Variants in TBC1D22A observed in about 807,000 individuals in gnomAD.
TBC1D22A encodes TBC1 domain family member 22A, also known as putative GTPase activator.
TBC1D22A carries 38 observed loss-of-function variants against 60.2 expected under a neutral mutation model. The ratio of observed to expected loss-of-function variants is 0.63; its 90% CI spans 0.49 to 0.83. The LOEUF is 0.83. Ranked by LOEUF, TBC1D22A falls within the 40% of genes least tolerant of loss-of-function variation. TBC1D22A has a pLI of 0.00. For missense variants in TBC1D22A, 628 were observed against 701.0 expected, an observed-to-expected ratio of 0.90 and a Z score of 1.18; for synonymous variants, 302 against 281.7, an observed-to-expected ratio of 1.07 and a Z score of -0.72.
intron 3 of TBC1D22A, among the ~76,000 whole-genome samples, chr22:46,796,174 G>A (rs141181775): frequency 6.6e-6 from 1 of 152,136 alleles, no homozygotes; most frequent in Non-Finnish European, 1.5e-5. Flanking sequence ...AGTGGGCAGC[G>A]GGGATGGGGG....
chr22:46,766,180 G>A (rs1407762282), intron 1 of TBC1D22A, among the ~76,000 whole-genome samples: 1 of 151,766 alleles, frequency 6.6e-6, no homozygotes, highest in Non-Finnish European at 1.5e-5. Flanking sequence ...TATATTTTTG[G>A]TAGAGACGGG....
intron 8 of TBC1D22A, among the ~76,000 whole-genome samples, chr22:46,962,954 C>G (rs919921452): frequency 1.3e-5 from 2 of 151,834 alleles, no homozygotes; most frequent in South Asian, 2.1e-4. Flanking sequence ...TGGCTCATGC[C>G]TGTAATCCCA....
intron 4 of TBC1D22A, among the ~76,000 whole-genome samples, chr22:46,872,824 G>A (rs2067354735): frequency 6.6e-6 from 1 of 152,178 alleles, no homozygotes; most frequent in African/African-American, 2.4e-5. Flanking sequence ...GTATTGATCT[G>A]CTCAGGAGTA....
intron 8 of TBC1D22A, among the ~76,000 whole-genome samples, chr22:46,973,966 G>A (rs575961480): frequency 1.1e-4 from 16 of 152,338 alleles, no homozygotes; most frequent in African/African-American, 3.6e-4. Context: ...AAAACTTTCA[G>A]ATCTGTTAGG....
intron 11 of TBC1D22A, among the ~76,000 whole-genome samples, chr22:47,043,222 G>A (rs1263368155): frequency 6.6e-6 from 1 of 152,240 alleles, no homozygotes; most frequent in Non-Finnish European, 1.5e-5. Flanking sequence ...CATGGCAGGG[G>A]GTCCTGAATT....
intron 4 of TBC1D22A, among the ~76,000 whole-genome samples, chr22:46,854,010 T>G (rs2087432809): frequency 6.6e-6 from 1 of 152,220 alleles, no homozygotes; most frequent in African/African-American, 2.4e-5. Context: ...TTTCCCCCGC[T>G]GTCTCCGAGT....
In TBC1D22A at chr22:47,102,024, C is replaced by T. The variant is rs114675087; in HGVS notation, c.1330-9484C>T. ...GAGAAGAAGGGAGAGCTTACGGTTT[C>T]GCAGGTGACCAGCTCAAGACCTTTG... On this transcript the variant is annotated intron_variant, in intron 11 of 12. Coordinates refer to ENST00000337137, the MANE Select transcript of TBC1D22A (RefSeq NM_014346.5). Among the ~76,000 whole-genome samples the T allele has an allele frequency of 3.1e-3, 468 of 152,264 alleles. 5 individuals carry two copies. Among genetic ancestry groups the T allele is most frequent in the African/African-American group, 0.01 (428 of 41,538 alleles).
intron 11 of TBC1D22A, among the ~76,000 whole-genome samples, chr22:47,077,830 T>G (rs1286210427): frequency 6.6e-6 from 1 of 152,214 alleles, no homozygotes; most frequent in Admixed American, 6.5e-5. Flanking sequence ...ACCTGTGTCT[T>G]CATTTTTAAA....
intron 11 of TBC1D22A, among the ~76,000 whole-genome samples, chr22:47,068,885 T>G (rs765909283): frequency 6.6e-6 from 1 of 152,162 alleles, no homozygotes; most frequent in Admixed American, 6.5e-5. Context: ...GAAAAATAAT[T>G]AAAATGATAC....
chr22:47,024,102 C>T (rs983272920), intron 10 of TBC1D22A, among the ~76,000 whole-genome samples: 1 of 152,160 alleles, frequency 6.6e-6, no homozygotes, highest in Non-Finnish European at 1.5e-5. Flanking sequence ...CGTGGTAAGG[C>T]CCTCACGCTG....
chr22:47,061,568 T>TAACA lies in TBC1D22A; in HGVS notation c.1329+24372_1329+24373insCAAA, dbSNP rs1169892171. On this transcript the variant is annotated intron_variant, in intron 11 of 12. Coordinates refer to ENST00000337137, the MANE Select transcript of TBC1D22A (RefSeq NM_014346.5). ...TCACCGCAGCTTCCCCACACAGTCCTAAACATATTTGCAGCGTTTTGTTTT... is the reference window on the plus strand; with the variant it reads ...TCACCGCAGCTTCCCCACACAGTCCTAACAAAACATATTTGCAGCGTTTTGTTTT... 2.6e-5 allele frequency among the ~76,000 whole-genome samples: 4 copies of TAACA among 152,286 alleles called. No homozygotes were observed. The East Asian group carries it at 5.8e-4, about 22-fold the overall frequency.
At chr22:46,845,544 T>A (rs191202313) in intron 4 of TBC1D22A, among the ~76,000 whole-genome samples, 21 of 152,356 alleles carry the variant, frequency 1.4e-4, no homozygotes, top group Admixed American at 1.2e-3. Flanking sequence ...GAACCTGGTG[T>A]CTGGAAAGAA....
At chr22:47,147,968 G>A (rs750959780) in intron 12 of TBC1D22A, among the ~76,000 whole-genome samples, 2 of 152,154 alleles carry the variant, frequency 1.3e-5, no homozygotes, top group Non-Finnish European at 2.9e-5. Context: ...TGGGAGGGCT[G>A]GGGAAGCTCC....
chr22:47,085,721 A>G (rs1426729632), intron 11 of TBC1D22A, among the ~76,000 whole-genome samples: 1 of 152,226 alleles, frequency 6.6e-6, no homozygotes, highest in African/African-American at 2.4e-5. Flanking sequence ...TTACAGTTGC[A>G]ATAGAGAACT....
chr22:46,988,546 A>G (rs1265333504), intron 9 of TBC1D22A, among the ~76,000 whole-genome samples: 2 of 152,236 alleles, frequency 1.3e-5, no homozygotes, highest in Non-Finnish European at 2.9e-5. Flanking sequence ...ATCTTCCTGC[A>G]TGTCTCCATC....
chr22:46,912,395 T>G (rs2069999254), intron 8 of TBC1D22A, among the ~76,000 whole-genome samples: 1 of 152,242 alleles, frequency 6.6e-6, no homozygotes, highest in Non-Finnish European at 1.5e-5. Context: ...TAAATTGCAG[T>G]TATAATGATG....
At chr22:47,111,276 G>T (rs990100173) in intron 11 of TBC1D22A, among the ~76,000 whole-genome samples, 1 of 152,256 alleles carries the variant, frequency 6.6e-6, no homozygotes, top group African/African-American at 2.4e-5. Flanking sequence ...CTGAAGCTTG[G>T]TCTGCTGTTC....
intron 4 of TBC1D22A, among the ~76,000 whole-genome samples, chr22:46,811,199 C>T (rs1020482816): frequency 7.2e-5 from 11 of 152,186 alleles, no homozygotes; most frequent in South Asian, 2.1e-4. Flanking sequence ...GGCTTTGGTG[C>T]CTGTCCGTGG....
intron 9 of TBC1D22A, among the ~76,000 whole-genome samples, chr22:46,984,541 C>A (rs1208809047): frequency 6.6e-6 from 1 of 152,106 alleles, no homozygotes; most frequent in Non-Finnish European, 1.5e-5. Flanking sequence ...ATTACAGCTT[C>A]CATATTTGCC....
Sources: gnomAD v4.1 joint callset for allele counts (sites outside exome capture counted in the v4.1 genomes callset) on GRCh38, gnomAD v4.1.1 for gene constraint, MANE v1.5 for transcripts, NCBI Gene and HGNC (gene_info 2026-07-23, HGNC 2026-07-21) for gene names.